TEX15: variants seen among roughly 807,000 people sequenced by gnomAD.
The protein encoded by TEX15 is testis expressed 15, meiosis and synapsis associated, also known as testis-expressed protein 15.
Under a neutral mutation model 237.3 loss-of-function variants are expected in TEX15, and 171 were observed. That is an observed-to-expected ratio of 0.72 (90% CI 0.64 to 0.82). The LOEUF (loss-of-function observed/expected upper bound fraction) is 0.82. TEX15 is among the 40% of genes least tolerant of loss of function. The pLI is 0.00. For synonymous variants in TEX15, 1,338 were observed against 1,269.8 expected (o/e 1.05, Z -1.14); for missense variants, 3,750 against 3,646.5 (o/e 1.03, Z -0.73).
rs1322588136 is a variant in TEX15, at chr8:30,844,173, A to G, written c.5994T>C (p.Ala1998=). ...HCSANHTALI[A]NLSQILQRAD... is the part of the protein sequence containing the mutation. ...CCCTCTGCAAAATTTGAGATAGATTAGCTATAAGGGCCGTATGATTAGCTG... is the reference window on the plus strand; with the variant it reads ...CCCTCTGCAAAATTTGAGATAGATTGGCTATAAGGGCCGTATGATTAGCTG... Residue 1998 remains alanine, a synonymous_variant, in exon 8 of 11, where the codon GCT becomes GCC. Coordinates refer to ENST00000643185, the MANE Select transcript of TEX15 (RefSeq NM_001350162.2). 1 of 1,612,952 alleles carries G rather than the reference A, an allele frequency of 6.2e-7. No homozygotes were observed. Among genetic ancestry groups the G allele is most frequent in the South Asian group, 1.1e-5 (1 of 90,798 alleles).
At chr8:30,870,751 C>A (rs1371272713) in intron 4 of TEX15, among the ~76,000 whole-genome samples, 1 of 152,048 alleles carries the variant, frequency 6.6e-6, no homozygotes, top group Admixed American at 6.6e-5. Flanking sequence ...CCACCCAACT[C>A]CAGATGTAAG....
In TEX15 at chr8:30,844,483, A is replaced by G; in HGVS notation, c.5684T>C (p.Ile1895Thr). Residue 1895 changes from isoleucine (I) to threonine (T), a missense_variant, in exon 8 of 11, where the codon ATT (isoleucine) becomes ACT (threonine). Physicochemically the swap from Ile to Thr is moderately conservative, Grantham distance 89. Transcript: ENST00000643185. ...LNEKIITTNL[I>T]DSHLSTKNTT... ...ATTTTTAGTGCTCAGATGGGAATCA[A>G]TCAAGTTAGTTGTAATAATTTTCTC... 3 of 1,613,206 alleles carry G rather than the reference A, an allele frequency of 1.9e-6. No individual in the cohort carries two copies. Among genetic ancestry groups the G allele is most frequent in the Non-Finnish European group, 1.7e-6 (2 of 1,179,552 alleles).
intron 7 of TEX15, among the ~76,000 whole-genome samples, chr8:30,853,881 T>C (rs775826427): frequency 5.4e-4 from 82 of 151,676 alleles, no homozygotes; most frequent in Non-Finnish European, 7.1e-4. Flanking sequence ...TGCAAATACA[T>C]AAAAAACATG....
At position 30,843,619 on chromosome 8, in the gene TEX15, C is replaced by T. The variant is rs765285643; in HGVS notation, c.6548G>A (p.Cys2183Tyr). The change falls in exon 8 of 11, where the codon TGT becomes TAT. Residue 2183 changes from cysteine to tyrosine, a missense_variant. Coordinates refer to ENST00000643185, the MANE Select transcript of TEX15 (RefSeq NM_001350162.2). ...VNECEAIMEH[C>Y]SDCFDFSLSV... Reference sequence around the variant, plus strand: ...AAGAGAAAAATCAAAGCAATCGGAACAATGCTCCATTATGGCTTCACATTC... The same window carrying T: ...AAGAGAAAAATCAAAGCAATCGGAATAATGCTCCATTATGGCTTCACATTC... 7 of 1,612,892 alleles carry T rather than the reference C, an allele frequency of 4.3e-6. No homozygotes were observed. The highest frequency in any genetic ancestry group is 1.7e-5 in the Admixed American group (1 of 59,962).
Position 30,843,672 on chromosome 8 carries a change from T to G in TEX15, c.6495A>C (p.Val2165=). ...ETKREKNSYY[V]FLKYKRQVNE... is the part of the protein sequence containing the mutation. ...TAACCTGTCGTTTGTACTTTAAGAATACATAGTATGAATTCTTTTCCCTTT... is the reference window on the plus strand; with the variant it reads ...TAACCTGTCGTTTGTACTTTAAGAAGACATAGTATGAATTCTTTTCCCTTT... Residue 2165 remains valine (V), a synonymous_variant, in exon 8 of 11, where the codon GTA becomes GTC. Transcript: ENST00000643185. 1 of 1,611,090 alleles carries G rather than the reference T, an allele frequency of 6.2e-7. No individual in the cohort carries two copies. Among genetic ancestry groups the G allele is most frequent in the African/African-American group, 1.3e-5 (1 of 74,928 alleles).
chr8:30,912,334 T>TCGAGGC (rs1440679200), intron 1 of TEX15, among the ~76,000 whole-genome samples: 1 of 150,756 alleles, frequency 6.6e-6, no homozygotes, highest in African/African-American at 2.4e-5. Context: ...GCGGCGGGGC[T>TCGAGGC]CCCGCCCCCT....
intron 7 of TEX15, among the ~76,000 whole-genome samples, chr8:30,849,525 C>T (rs547550942): frequency 2.0e-5 from 3 of 152,058 alleles, no homozygotes; most frequent in South Asian, 2.1e-4. Flanking sequence ...AAATTCTCCT[C>T]GTCTAGAAAC....
Position 30,844,852 on chromosome 8 carries a change from C to T in TEX15, c.5315G>A (p.Cys1772Tyr), listed in dbSNP as rs376683373. 9.8e-5 allele frequency: 158 copies of T among 1,613,450 alleles called. No individual in the cohort carries two copies. Among genetic ancestry groups the T allele is most frequent in the South Asian group, 5.9e-4 (54 of 91,074 alleles). Residue 1772 changes from cysteine to tyrosine, a missense_variant, in exon 8 of 11, where the codon TGC becomes TAC. Transcript: ENST00000643185. ...TGTATGGAGGCAATTACCTGAAGAG[C>T]ACTGTTCTGTCTTTAGAAGCTCTTT... is the stretch of plus-strand genomic sequence containing the variant. ...REKELLKTEQ[C>Y]SSGNCLHTDG...
At position 30,843,781 on chromosome 8, in the gene TEX15, C is replaced by T. The variant is rs182558485; in HGVS notation, c.6386G>A (p.Gly2129Asp). Reference sequence around the variant, plus strand: ...ATTATATTTTAATCTTCCTTGGAAACCAGGATAGAAATTAGACTGCTGTTG... The same window carrying T: ...ATTATATTTTAATCTTCCTTGGAAATCAGGATAGAAATTAGACTGCTGTTG... ...GFQQQSNFYP[G>D]FQGRLKYNAF... The change falls in exon 8 of 11, where the codon GGT becomes GAT. Residue 2129 changes from glycine to aspartate, a missense_variant. By Grantham distance (94) the Gly-to-Asp change is moderately conservative. Coordinates refer to ENST00000643185, the MANE Select transcript of TEX15 (RefSeq NM_001350162.2). 2 of 1,613,430 alleles carry T rather than the reference C, an allele frequency of 1.2e-6. No homozygotes were observed. The highest frequency in any genetic ancestry group is 4.5e-5 in the East Asian group (2 of 44,850).
Position 30,845,280 on chromosome 8 carries a change from A to G in TEX15, c.4887T>C (p.Ser1629=). Residue 1629 remains serine, a synonymous_variant, in exon 8 of 11, where the codon TCT becomes TCC. Coordinates refer to ENST00000643185, the MANE Select transcript of TEX15 (RefSeq NM_001350162.2). The part of the protein sequence containing the change: ...SLSCIKENIN[S]STGNDCDATC... ...TTGCATCACAATCGTTGCCTGTACT[A>G]GAATTTATGTTTTCTTTTATGCAAC... The G allele has an allele frequency of 6.2e-7, 1 of 1,613,248 alleles. No homozygotes were observed. The highest frequency in any genetic ancestry group is 8.5e-7 in the Non-Finnish European group (1 of 1,179,474).
chr8:30,862,785 T>C (rs946570983), intron 5 of TEX15, among the ~76,000 whole-genome samples: 4 of 152,168 alleles, frequency 2.6e-5, no homozygotes, highest in African/African-American at 9.7e-5. Flanking sequence ...CCCACTTAGA[T>C]TTCTCTTTAT....
intron 3 of TEX15, among the ~76,000 whole-genome samples, chr8:30,882,057 T>C (rs1808537790): frequency 6.6e-6 from 1 of 152,190 alleles, no homozygotes; most frequent in African/African-American, 2.4e-5. Context: ...CAAATTTGGG[T>C]ATGTTGCATT....
At chr8:30,907,401 G>C (rs138461662) in intron 1 of TEX15, among the ~76,000 whole-genome samples, 69 of 146,148 alleles carry the variant, frequency 4.7e-4, no homozygotes, top group Admixed American at 3.0e-3. Context: ...GAGTATCTAG[G>C]ACTACAGGCG....
chr8:30,847,072 T>A lies in TEX15; in HGVS notation c.3095A>T (p.Asp1032Val). The change falls in exon 8 of 11, where the codon GAT becomes GTT. Residue 1032 changes from aspartate to valine, a missense_variant. Physicochemically the swap from Asp to Val is radical, Grantham distance 152. Coordinates refer to ENST00000643185, the MANE Select transcript of TEX15 (RefSeq NM_001350162.2). ...TTCTTGTGATTTATTTTTATCCGTATCAATTTCACAATCAGAAACCCTATG... is the reference window on the plus strand; with the variant it reads ...TTCTTGTGATTTATTTTTATCCGTAACAATTTCACAATCAGAAACCCTATG... ...VKHRVSDCEI[D>V]TDKNKSQESF... 6.2e-7 allele frequency: 1 copy of A among 1,613,078 alleles called. No individual in the cohort carries two copies. The highest frequency in any genetic ancestry group is 8.5e-7 in the Non-Finnish European group (1 of 1,179,558).
intron 4 of TEX15, 125 bp from the exon 5 acceptor site, chr8:30,867,627 C>T (rs866596694): frequency 1.3e-5 from 8 of 604,132 alleles, no homozygotes; most frequent in Middle Eastern, 6.7e-4. Context: ...GGTATTACTA[C>T]ACTGTGATGA....
intron 3 of TEX15, among the ~76,000 whole-genome samples, chr8:30,881,616 A>T (rs78660320): frequency 0.11 from 9,573 of 84,312 alleles, 1,528 homozygotes; most frequent in African/African-American, 0.46. Flanking sequence ...TTGACTTTTT[A>T]TTTTTTTTTA....
At position 30,846,444 on chromosome 8, in the gene TEX15, AAAAG is replaced by A; in HGVS notation, c.3719_3722del (p.Ser1240LeufsTer3). On this transcript the variant is annotated frameshift_variant, in exon 8 of 11. Coordinates refer to ENST00000643185, the MANE Select transcript of TEX15 (RefSeq NM_001350162.2). LOFTEE classifies it high-confidence loss of function. ...TCACATCTGTATTACGACTCAAGTC[AAAAG>A]AAAGGGAGATTTCAGAGTTACTCAC... 14 of 1,613,388 alleles carry A rather than the reference AAAAG, an allele frequency of 8.7e-6. No homozygotes were observed. Among genetic ancestry groups the A allele is most frequent in the Non-Finnish European group, 1.1e-5 (13 of 1,179,724 alleles).
At chr8:30,860,590 A>T (rs1219148839) in intron 5 of TEX15, among the ~76,000 whole-genome samples, 1 of 141,276 alleles carries the variant, frequency 7.1e-6, no homozygotes, top group Non-Finnish European at 1.5e-5. Context: ...TTTGAGACAG[A>T]GTCTCACTCT....
intron 3 of TEX15, among the ~76,000 whole-genome samples, chr8:30,885,312 C>A (rs1162077477): frequency 4.6e-5 from 7 of 152,022 alleles, no homozygotes; most frequent in African/African-American, 1.7e-4. Flanking sequence ...GCAAGTCTTT[C>A]CCGTGCTATT....
Sources: gnomAD v4.1 joint callset for allele counts (sites outside exome capture counted in the v4.1 genomes callset) on GRCh38, gnomAD v4.1.1 for gene constraint, MANE v1.5 for transcripts, NCBI Gene and HGNC (gene_info 2026-07-23, HGNC 2026-07-21) for gene names.